Variants in AGBL2 observed in about 807,000 individuals in gnomAD.
The protein encoded by AGBL2 is cytosolic carboxypeptidase 2.
AGBL2 carries 87 observed loss-of-function variants against 103.0 expected under a neutral mutation model. The ratio of observed to expected loss-of-function variants is 0.84; its 90% CI spans 0.71 to 1.01. AGBL2 has a LOEUF of 1.01. Ranked by LOEUF, AGBL2 falls within the 50% of genes least tolerant of loss-of-function variation. The pLI, the probability that AGBL2 is intolerant of heterozygous loss-of-function variation, is 0.00. For missense variants in AGBL2, 904 were observed against 1,023.5 expected (o/e 0.88, Z 1.59); for synonymous variants, 335 against 356.7 (o/e 0.94, Z 0.69).
chr11:47,688,430 C>A (rs2097432586), intron 10 of AGBL2, among the ~76,000 whole-genome samples: 1 of 152,140 alleles, frequency 6.6e-6, no homozygotes, highest in South Asian at 2.1e-4. Flanking sequence ...CAAAGAAAGC[C>A]TTGATTCCTG....
Position 47,715,246 on chromosome 11 carries a change from C to G in AGBL2, c.-172G>C, listed in dbSNP as rs2135046655. ...TCCCAAGCAGCACGGATGGCTGCGG[C>G]AGAGAAGCTCCAGCGAGGCAGGCGG... On this transcript the variant is annotated 5_prime_UTR_variant, in exon 1 of 19. Coordinates refer to ENST00000525123, the MANE Select transcript of AGBL2 (RefSeq NM_024783.4). 1 of 154,194 alleles carries G rather than the reference C, an allele frequency of 6.5e-6. No individual in the cohort carries two copies. The highest frequency in any genetic ancestry group is 1.9e-4 in the East Asian group (1 of 5,204). The allele number at this position is 154,194 out of a possible 1,614,324, so 9.6% of individuals were successfully genotyped here.
At chr11:47,691,099 C>CAA (rs71042701) in intron 9 of AGBL2, among the ~76,000 whole-genome samples, 51,804 of 138,230 alleles carry the variant, frequency 0.37, 9,964 homozygotes, top group African/African-American at 0.46. Context: ...ACTAAATATA[C>CAA]AAAAAAAAAA....
At chr11:47,684,578 A>G (rs1037909755) in intron 11 of AGBL2, among the ~76,000 whole-genome samples, 2 of 150,632 alleles carry the variant, frequency 1.3e-5, no homozygotes, top group Admixed American at 1.3e-4. Flanking sequence ...TAAGGAGAAG[A>G]AAAAAAAATA....
intron 4 of AGBL2, 59 bp from the exon 5 acceptor site, chr11:47,705,976 G>A: frequency 7.1e-7 from 1 of 1,398,758 alleles, no homozygotes; most frequent in Non-Finnish European, 1.0e-6. Flanking sequence ...CTTTTCTTCT[G>A]TCTGCTATCC....
chr11:47,703,934 A>C (rs1470228857), intron 7 of AGBL2, among the ~76,000 whole-genome samples: 1 of 137,524 alleles, frequency 7.3e-6, no homozygotes, highest in East Asian at 2.4e-4. Context: ...TCAAAAAAAA[A>C]AAAAAACAAA....
chr11:47,677,408 A>C lies in AGBL2; in HGVS notation c.2017-7T>G, dbSNP rs1248157450. 1.4e-6 allele frequency: 2 copies of C among 1,470,578 alleles called. No homozygotes were observed. The highest frequency in any genetic ancestry group is 1.8e-6 in the Non-Finnish European group (2 of 1,112,282). The allele number at this position is 1,470,578 out of a possible 1,614,324, so 91.1% of individuals were successfully genotyped here. A position where few individuals can be genotyped will look rare whatever the true frequency, so the allele number is the denominator to read the frequency against. On this transcript the variant is annotated splice_region_variant and splice_polypyrimidine_tract_variant and intron_variant, in intron 13 of 18. Coordinates refer to ENST00000525123, the MANE Select transcript of AGBL2 (RefSeq NM_024783.4). ...CTGCTAGACACTGAGTGAACTATGA[A>C]AGTGAAAAAAAGAACTATTTTGTTA...
rs746250579 is a variant in AGBL2 at position 47,682,084 on chromosome 11, G to A, written c.1800C>T (p.His600=). 1.9e-6 allele frequency: 3 copies of A among 1,613,576 alleles called. No homozygotes were observed. The highest frequency in any genetic ancestry group is 1.1e-5 in the South Asian group (1 of 90,994). ...CKNAPDKFSF[H]SCNFKVQKCK... ...ATTTTTGGACCTTAAAATTACAACT[G>A]TGAAAAGAGAACTAAAAAGAAATCC... The change falls in exon 12 of 19, where the codon CAC becomes CAT. Residue 600 remains histidine (H), a synonymous_variant. Transcript: ENST00000525123.
At chr11:47,707,024 TAAAAA>T (rs61459888) in intron 4 of AGBL2, among the ~76,000 whole-genome samples, 2 of 111,644 alleles carry the variant, frequency 1.8e-5, no homozygotes, top group Non-Finnish European at 1.8e-5. Context: ...CTGTCTCTAC[TAAAAA>T]AAAAAAAAAA....
chr11:47,692,321 A>C (rs2097450675), intron 8 of AGBL2, 65 bp from the exon 9 acceptor site: 2 of 1,423,502 alleles, frequency 1.4e-6, no homozygotes. Flanking sequence ...CAAATACTTA[A>C]GTGGCCCCTC....
rs559906741 is a variant in AGBL2, at chr11:47,675,399, T to C, written c.2147+1872A>G. ...AGTTTTTTTTTTTTTTTTTTTTTTTTTTGAGACCAGAGTCTCACTCTGTCA... is the reference window on the plus strand; with the variant it reads ...AGTTTTTTTTTTTTTTTTTTTTTTTCTTGAGACCAGAGTCTCACTCTGTCA... On this transcript the variant is annotated intron_variant, in intron 14 of 18. Coordinates refer to ENST00000525123, the MANE Select transcript of AGBL2 (RefSeq NM_024783.4). Among the ~76,000 whole-genome samples, 6 of 141,498 alleles carry C rather than the reference T, an allele frequency of 4.2e-5. No individual in the cohort carries two copies. The South Asian group carries it at 1.4e-3, about 34-fold the overall frequency. 92.8% of individuals were successfully genotyped at this position (141,498 alleles called of 152,430 possible).
At chr11:47,686,129 T>A in intron 10 of AGBL2, 80 bp from the exon 11 acceptor site, 1 of 1,424,194 alleles carries the variant, frequency 7.0e-7, no homozygotes, top group Non-Finnish European at 9.8e-7. Context: ...ATCTCTTCCT[T>A]AAATACAGCT....
intron 14 of AGBL2, among the ~76,000 whole-genome samples, chr11:47,674,672 C>T (rs892428560): frequency 3.3e-5 from 5 of 151,388 alleles, no homozygotes; most frequent in Admixed American, 6.6e-5. Flanking sequence ...AAAACTGAGT[C>T]GGGGAGATAC....
intron 10 of AGBL2, among the ~76,000 whole-genome samples, chr11:47,687,221 T>A (rs1424398249): frequency 6.6e-6 from 1 of 151,798 alleles, no homozygotes; most frequent in Non-Finnish European, 1.5e-5. Context: ...GGGTGCCTGG[T>A]GCACACAGGT....
chr11:47,712,968 C>G (rs148645941), intron 3 of AGBL2, among the ~76,000 whole-genome samples: 371 of 151,012 alleles, frequency 2.5e-3, no homozygotes, highest in Middle Eastern at 0.014. Context: ...CTTGACCCCG[C>G]GAGGTGGAAG....
At chr11:47,714,165 GTATT>G (rs746732057) in intron 3 of AGBL2, 115 bp downstream of exon 3, 1 of 736,888 alleles carries the variant, frequency 1.4e-6, no homozygotes, top group African/African-American at 1.8e-5. Context: ...AGAGGAAAAA[GTATT>G]TATTTGTCAA....
intron 7 of AGBL2, among the ~76,000 whole-genome samples, chr11:47,703,415 A>C (rs1456405920): frequency 1.3e-5 from 2 of 152,242 alleles, no homozygotes; most frequent in Non-Finnish European, 1.5e-5. Flanking sequence ...GAAGCATTCT[A>C]GTTTACACAT....
chr11:47,673,760 C>T (rs2097364782), intron 14 of AGBL2, among the ~76,000 whole-genome samples: 1 of 139,070 alleles, frequency 7.2e-6, no homozygotes, highest in South Asian at 2.3e-4. Context: ...CGCCATTGGA[C>T]TCCAGCCTGG....
chr11:47,668,929 A>G (rs778438728), intron 14 of AGBL2, 22 bp from the exon 15 acceptor site: 2 of 1,569,420 alleles, frequency 1.3e-6, no homozygotes, highest in Non-Finnish European at 1.8e-6. Flanking sequence ...AGAAAAAAAG[A>G]AGAGGAAATA....
In AGBL2 at chr11:47,660,036, G is replaced by T; in HGVS notation, c.*137C>A. On this transcript the variant is annotated 3_prime_UTR_variant, in exon 19 of 19. Transcript: ENST00000525123. ...CATGCCCACAGTGTAAGTACAAAGT[G>T]TAAGGTCAGTGCATGAGTGCACAAC... The T allele has an allele frequency of 1.2e-6, 1 of 854,666 alleles. No homozygotes were observed. Among genetic ancestry groups the T allele is most frequent in the Non-Finnish European group, 1.7e-6 (1 of 579,576 alleles). 52.9% of individuals were successfully genotyped at this position (854,666 alleles called of 1,614,324 possible).
Sources: allele counts gnomAD v4.1 joint callset (sites outside exome capture counted in the v4.1 genomes callset), GRCh38; gene constraint gnomAD v4.1.1; transcripts MANE v1.5; gene names NCBI Gene and HGNC (gene_info 2026-07-23, HGNC 2026-07-21).